Variants in PACRG observed in about 807,000 individuals in gnomAD.
PACRG encodes the protein parkin coregulated.
A neutral mutation model predicts 29.7 loss-of-function variants in PACRG; 29 were observed. That is an observed-to-expected ratio of 0.98 (90% CI 0.73 to 1.33). The LOEUF is 1.33. Ranked by LOEUF, PACRG falls within the 40% of genes most tolerant of loss-of-function variation. The probability of loss-of-function intolerance (pLI) is 0.00; values close to 1 mark genes in which losing one functional copy is unlikely to be tolerated. For synonymous variants in PACRG, 116 were observed against 118.7 expected (o/e 0.98, Z 0.15); for missense variants, 279 against 316.2 (o/e 0.88, Z 0.89).
intron 2 of PACRG, among the ~76,000 whole-genome samples, chr6:162,898,448 AT>A (rs1250852940): frequency 2.0e-5 from 3 of 152,204 alleles, no homozygotes; most frequent in Non-Finnish European, 4.4e-5. Flanking sequence ...ATGGTAAAAT[AT>A]TTTAGTAAAG....
chr6:163,205,186 T>C (rs115872292), intron 4 of PACRG, among the ~76,000 whole-genome samples: 3 of 152,186 alleles, frequency 2.0e-5, no homozygotes, highest in Admixed American at 6.5e-5. Flanking sequence ...AATCTACCAA[T>C]GACATTCTTC....
At chr6:163,034,966 T>C (rs1329142738) in intron 2 of PACRG, among the ~76,000 whole-genome samples, 2 of 152,196 alleles carry the variant, frequency 1.3e-5, no homozygotes, top group Non-Finnish European at 2.9e-5. Flanking sequence ...CTTGATGATA[T>C]GCTAACAAGG....
At chr6:163,135,526 T>G (rs749594059) in intron 4 of PACRG, among the ~76,000 whole-genome samples, 4 of 152,234 alleles carry the variant, frequency 2.6e-5, no homozygotes, top group Non-Finnish European at 5.9e-5. Flanking sequence ...TGTAATTGCA[T>G]AAATATACCC....
At chr6:162,956,491 A>G (rs1800045121) in intron 2 of PACRG, among the ~76,000 whole-genome samples, 1 of 152,224 alleles carries the variant, frequency 6.6e-6, no homozygotes, top group Non-Finnish European at 1.5e-5. Context: ...ACCACAAGAA[A>G]GGGAGGCTCA....
At chr6:163,184,098 G>A (rs1779801450) in intron 4 of PACRG, among the ~76,000 whole-genome samples, 1 of 152,194 alleles carries the variant, frequency 6.6e-6, no homozygotes. Flanking sequence ...ACTTCAGCCA[G>A]TTGAAAATAG....
intron 2 of PACRG, among the ~76,000 whole-genome samples, chr6:162,830,936 A>G (rs1483137550): frequency 6.6e-6 from 1 of 152,240 alleles, no homozygotes; most frequent in Non-Finnish European, 1.5e-5. Flanking sequence ...TTATTCAAGA[A>G]ACATGCGTTG....
Position 162,747,361 on chromosome 6 carries a change from T to C in PACRG, c.156+18970T>C, listed in dbSNP as rs867537575. Among the ~76,000 whole-genome samples the C allele has an allele frequency of 8.7e-3, 380 of 43,842 alleles. 39 individuals carry two copies. Among genetic ancestry groups the C allele is most frequent in the South Asian group, 0.043 (44 of 1,028 alleles). The allele number at this position is 43,842 out of a possible 152,430, so 28.8% of individuals were successfully genotyped here. On this transcript the variant is annotated intron_variant, in intron 1 of 4. Transcript: ENST00000366888. The stretch of plus-strand genomic sequence containing the variant: ...ATATATATATATATATATATATATA[T>C]ATACACATACATATATATGTATATA...
chr6:163,224,356 G>A (rs1443093490), intron 4 of PACRG, among the ~76,000 whole-genome samples: 3 of 79,210 alleles, frequency 3.8e-5, no homozygotes, highest in African/African-American at 1.2e-4. Context: ...GCAACAGAGT[G>A]AGACTCCATC....
At chr6:163,077,652 T>G (rs1204766537) in intron 3 of PACRG, among the ~76,000 whole-genome samples, 1 of 152,254 alleles carries the variant, frequency 6.6e-6, no homozygotes, top group African/African-American at 2.4e-5. Context: ...TCCAAGTAAA[T>G]TATTCTGAAC....
intron 4 of PACRG, among the ~76,000 whole-genome samples, chr6:163,213,468 T>C (rs1781235805): frequency 6.6e-6 from 1 of 152,226 alleles, no homozygotes; most frequent in Non-Finnish European, 1.5e-5. Context: ...GTGGTAGTAA[T>C]ATACCGGTGT....
chr6:162,983,570 C>CTT (rs35463138), intron 2 of PACRG, among the ~76,000 whole-genome samples: 62,821 of 151,510 alleles, frequency 0.41, 13,294 homozygotes, highest in East Asian at 0.7. Context: ...ATTTAGGAAT[C>CTT]AGTTTTGCTG....
rs757004922 is a variant in PACRG, at chr6:163,315,037, T to C, written c.*50T>C. The C allele has an allele frequency of 2.6e-6, 4 of 1,568,406 alleles. No homozygotes were observed. The South Asian group carries it at 3.5e-5, about 14-fold the overall frequency. ...ACCTCCCGTTGGTGTTGGGATCATCTGTCTCTGTTGCTTTTAGCATCTCAT... is the reference window on the plus strand; with the variant it reads ...ACCTCCCGTTGGTGTTGGGATCATCCGTCTCTGTTGCTTTTAGCATCTCAT... On this transcript the variant is annotated 3_prime_UTR_variant, in exon 5 of 5. Transcript: ENST00000366888.
intron 2 of PACRG, among the ~76,000 whole-genome samples, chr6:162,818,787 G>A (rs1209305197): frequency 6.6e-6 from 1 of 152,072 alleles, no homozygotes; most frequent in Non-Finnish European, 1.5e-5. Context: ...CACTAAGACG[G>A]TCTTGTTTTC....
chr6:163,124,749 C>T lies in PACRG; in HGVS notation c.613+35341C>T, dbSNP rs116612188. On this transcript the variant is annotated intron_variant, in intron 4 of 4. Transcript: ENST00000366888. ...AAGCCAAGGGCATCTTGCATGCTGGCACCTTCGAGAGGCCGTACAGCTGGA... is the reference window on the plus strand; with the variant it reads ...AAGCCAAGGGCATCTTGCATGCTGGTACCTTCGAGAGGCCGTACAGCTGGA... Among the ~76,000 whole-genome samples, 916 of 152,254 alleles carry T rather than the reference C, an allele frequency of 6.0e-3. 8 individuals are homozygous for T. Among genetic ancestry groups the T allele is most frequent in the African/African-American group, 0.02 (850 of 41,544 alleles).
intron 2 of PACRG, among the ~76,000 whole-genome samples, chr6:162,989,768 A>G (rs1803264881): frequency 7.3e-6 from 1 of 136,226 alleles, no homozygotes; most frequent in Non-Finnish European, 1.6e-5. Context: ...TTTAAGTTTT[A>G]GGGTACATGT....
chr6:162,749,642 C>A (rs1781367281), intron 1 of PACRG, among the ~76,000 whole-genome samples: 5 of 152,006 alleles, frequency 3.3e-5, no homozygotes, highest in Admixed American at 2.6e-4. Flanking sequence ...TGCCTCAGTC[C>A]CCTGAGTATC....
At chr6:163,201,213 T>G (rs1044766438) in intron 4 of PACRG, among the ~76,000 whole-genome samples, 1 of 152,190 alleles carries the variant, frequency 6.6e-6, no homozygotes, top group African/African-American at 2.4e-5. Flanking sequence ...GTGAAAACCT[T>G]TAATTTACAG....
At chr6:162,744,931 A>G (rs181336213) in intron 1 of PACRG, among the ~76,000 whole-genome samples, 77 of 152,258 alleles carry the variant, frequency 5.1e-4, no homozygotes, top group Non-Finnish European at 6.8e-4. Context: ...AGAACCTAGC[A>G]AATTCATGTT....
At chr6:163,253,771 A>G (rs1296043273) in intron 4 of PACRG, among the ~76,000 whole-genome samples, 1 of 152,222 alleles carries the variant, frequency 6.6e-6, no homozygotes, top group Admixed American at 6.5e-5. Context: ...TGCCTCCTTG[A>G]GCCTGAAATT....
Sources: allele counts gnomAD v4.1 joint callset (sites outside exome capture counted in the v4.1 genomes callset), GRCh38; gene constraint gnomAD v4.1.1; transcripts MANE v1.5; gene names NCBI Gene and HGNC (gene_info 2026-07-23, HGNC 2026-07-21).